The following CPNE6 variants were observed in gnomAD, a reference collection of about 807,000 sequenced individuals.
CPNE6 encodes copine 6.
Under a neutral mutation model 71.5 loss-of-function variants are expected in CPNE6, and 33 were observed. The observed-to-expected ratio is 0.46, with a 90% CI of 0.35 to 0.62. The LOEUF is 0.62. Ranked by LOEUF, CPNE6 falls within the 20% of genes least tolerant of loss-of-function variation. The probability of loss-of-function intolerance (pLI) is 0.00; values close to 1 mark genes in which losing one functional copy is unlikely to be tolerated. For missense variants in CPNE6, 576 were observed against 747.3 expected (o/e 0.77, Z 2.67); for synonymous variants, 296 against 293.0 (o/e 1.01, Z -0.10).
chr14:24,074,566 C>T lies in CPNE6; in HGVS notation c.534C>T (p.Ile178=). The change falls in exon 7 of 18, where the codon ATC becomes ATT. Residue 178 remains isoleucine (I), a synonymous_variant. Transcript: ENST00000397016. The surrounding 1 kb of genome is among the most constrained non-coding windows in gnomAD (Gnocchi z 4.5). ...GCAAGTCTGACCCTTTCATGGAAAT[C>T]TATAAGACCAACGAGGACCAAAGTG... 6.2e-7 allele frequency: 1 copy of T among 1,614,176 alleles called. No individual in the cohort carries two copies. The highest frequency in any genetic ancestry group is 8.5e-7 in the Non-Finnish European group (1 of 1,180,034).
At chr14:24,071,434 A>C (rs1232807351) in intron 1 of CPNE6, 128 bp from the exon 1 acceptor site, 8 of 1,479,764 alleles carry the variant, frequency 5.4e-6, no homozygotes, top group Non-Finnish European at 7.2e-6. Context: ...GCTCCCTCCC[A>C]GGCTGTGGCC....
intron 1 of CPNE6, chr14:24,071,173 C>A: frequency 9.5e-7 from 1 of 1,048,590 alleles, no homozygotes; most frequent in Non-Finnish European, 1.4e-6. Flanking sequence ...GGGGCTGTAA[C>A]TGTCGTGGTG....
rs749989504 is a variant in CPNE6, at chr14:24,077,669, G to C, written c.1613G>C (p.Gly538Ala). ...GTGGTGGAGTACTACGCCAGCCAGG[G>C]CATCAGCCCTGGGGCTCCCAGGCCC... Residue 538 changes from glycine to alanine, a missense_variant, in exon 17 of 18, where the codon GGC becomes GCC. Gly to Ala is a moderately conservative substitution (Grantham distance 60). Coordinates refer to ENST00000397016, the Ensembl canonical transcript of CPNE6. This position sits in a 1 kb window ranked among gnomAD's most constrained non-coding sequence, Gnocchi z 6.1. 1 of 1,593,306 alleles carries C rather than the reference G, an allele frequency of 6.3e-7. No individual in the cohort carries two copies. Among genetic ancestry groups the C allele is most frequent in the South Asian group, 1.1e-5 (1 of 87,914 alleles).
rs1040791482 is a variant in CPNE6, at chr14:24,074,581, G to A, written c.549G>A (p.Glu183=). Reference sequence around the variant, plus strand: ...TCATGGAAATCTATAAGACCAACGAGGACCAAAGTGATCAGCTGGTCTGGA... The same window carrying A: ...TCATGGAAATCTATAAGACCAACGAAGACCAAAGTGATCAGCTGGTCTGGA... The change falls in exon 7 of 18, where the codon GAG becomes GAA. Residue 183 remains glutamate, a synonymous_variant. Transcript: ENST00000397016. This position sits in a 1 kb window ranked among gnomAD's most constrained non-coding sequence, Gnocchi z 4.5. The A allele has an allele frequency of 2.5e-6, 4 of 1,614,166 alleles. No individual in the cohort carries two copies. Among genetic ancestry groups the A allele is most frequent in the Non-Finnish European group, 3.4e-6 (4 of 1,180,032 alleles).
At position 24,074,918 on chromosome 14, in the gene CPNE6, G is replaced by A; in HGVS notation, c.672+123G>A. On this transcript the variant is annotated intron_variant, in intron 8 of 17. Coordinates refer to ENST00000397016, the Ensembl canonical transcript of CPNE6. The surrounding 1 kb of genome is among the most constrained non-coding windows in gnomAD (Gnocchi z 4.5). ...AAGTGATAATCACATCCCACTGTGG[G>A]ATAAATAATAGGTCACAGCTCAATG... 3 of 828,256 alleles carry A rather than the reference G, an allele frequency of 3.6e-6. No homozygotes were observed. Among genetic ancestry groups the A allele is most frequent in the South Asian group, 3.1e-5 (2 of 64,216 alleles). 51.3% of individuals were successfully genotyped at this position (828,256 alleles called of 1,614,324 possible).
chr14:24,071,532 A>G lies in CPNE6; in HGVS notation c.-114A>G, dbSNP rs1566547240. On this transcript the variant is annotated 5_prime_UTR_variant, in exon 2 of 18. Coordinates refer to ENST00000397016, the Ensembl canonical transcript of CPNE6. ...CCCCACCCCTCCCCATCCAGGCCCC[A>G]TAAATAGCAGCAGAGCCGGAGCTGG... The G allele has an allele frequency of 1.2e-5, 3 of 251,656 alleles. No individual in the cohort carries two copies. The Admixed American group carries it at 3.8e-4, about 32-fold the overall frequency. 15.6% of individuals were successfully genotyped at this position (251,656 alleles called of 1,614,324 possible). A position where few individuals can be genotyped will look rare whatever the true frequency, so the allele number is the denominator to read the frequency against.
In CPNE6 at chr14:24,074,414, C is replaced by G. The variant is rs371782678; in HGVS notation, c.498+49C>G. 2.5e-5 allele frequency: 39 copies of G among 1,553,304 alleles called. No homozygotes were observed. Among genetic ancestry groups the G allele is most frequent in the Non-Finnish European group, 3.3e-5 (38 of 1,145,816 alleles). On this transcript the variant is annotated intron_variant, in intron 6 of 17. Coordinates refer to ENST00000397016, the Ensembl canonical transcript of CPNE6. This position sits in a 1 kb window ranked among gnomAD's most constrained non-coding sequence, Gnocchi z 4.5. ...CCCAACTCCCCTGTCACTCCTAGGC[C>G]TCCCACTCAAGACAGATCCCAGGAG...
At chr14:24,072,961 G>T (rs1352612384) in exon 3 of CPNE6, 1 of 1,584,398 alleles carries the variant, frequency 6.3e-7, no homozygotes, top group Non-Finnish European at 8.6e-7. Flanking sequence ...GATGGGATGG[G>T]TGCCTGAGCC....
intron 1 of CPNE6, chr14:24,071,158 C>A: frequency 9.1e-7 from 1 of 1,102,216 alleles, no homozygotes; most frequent in Non-Finnish European, 1.3e-6. Flanking sequence ...AATGTGTATC[C>A]GCCGGGGGCT....
rs374721997 is a variant in CPNE6 at position 24,074,408 on chromosome 14, C to T, written c.498+43C>T. 1.3e-6 allele frequency: 2 copies of T among 1,553,566 alleles called. No individual in the cohort carries two copies. Among genetic ancestry groups the T allele is most frequent in the Non-Finnish European group, 8.7e-7 (1 of 1,146,930 alleles). On this transcript the variant is annotated intron_variant, in intron 6 of 17. Coordinates refer to ENST00000397016, the Ensembl canonical transcript of CPNE6. The surrounding 1 kb of genome is among the most constrained non-coding windows in gnomAD (Gnocchi z 4.5). ...CAGGCCCCCAACTCCCCTGTCACTC[C>T]TAGGCCTCCCACTCAAGACAGATCC...
At chr14:24,076,113 T>C in intron 11 of CPNE6, 36 bp from the exon 11 acceptor site, 1 of 1,604,536 alleles carries the variant, frequency 6.2e-7, no homozygotes, top group Non-Finnish European at 8.5e-7. Context: ...GTGGCTCTCA[T>C]GGTTGCAGCA....
chr14:24,073,960 G>A lies in CPNE6; in HGVS notation c.349-91G>A. ...CCAACTCAAAGTGCCAACCCTTGCA[G>A]ACACTCAGAGCATTTATTATTCCAT... On this transcript the variant is annotated intron_variant, in intron 4 of 17. Transcript: ENST00000397016. This position sits in a 1 kb window ranked among gnomAD's most constrained non-coding sequence, Gnocchi z 5.5. 8.1e-7 allele frequency: 1 copy of A among 1,236,218 alleles called. No individual in the cohort carries two copies. Among genetic ancestry groups the A allele is most frequent in the Non-Finnish European group, 1.2e-6 (1 of 838,888 alleles). 76.6% of individuals were successfully genotyped at this position (1,236,218 alleles called of 1,614,324 possible). A position where few individuals can be genotyped will look rare whatever the true frequency, so the allele number is the denominator to read the frequency against.
rs1332985945 is a variant in CPNE6, at chr14:24,077,441, C to T, written c.1536+51C>T. The T allele has an allele frequency of 6.3e-7, 1 of 1,586,198 alleles. No homozygotes were observed. The highest frequency in any genetic ancestry group is 1.7e-5 in the Admixed American group (1 of 59,968). ...TGAAGGACTCCTCAGCTTCTCATCC[C>T]CCCAAATCTGACCTTCGTCTTCCAC... is the stretch of plus-strand genomic sequence containing the variant. On this transcript the variant is annotated intron_variant, in intron 16 of 17. Coordinates refer to ENST00000397016, the Ensembl canonical transcript of CPNE6. The surrounding 1 kb of genome is among the most constrained non-coding windows in gnomAD (Gnocchi z 6.1).
Position 24,075,333 on chromosome 14 carries a change from G to A in CPNE6, c.777+57G>A. 6.6e-7 allele frequency: 1 copy of A among 1,521,238 alleles called. No individual in the cohort carries two copies. Among genetic ancestry groups the A allele is most frequent in the South Asian group, 1.1e-5 (1 of 89,202 alleles). The allele number at this position is 1,521,238 out of a possible 1,614,324, so 94.2% of individuals were successfully genotyped here. On this transcript the variant is annotated intron_variant, in intron 9 of 17. Coordinates refer to ENST00000397016, the Ensembl canonical transcript of CPNE6. The surrounding 1 kb of genome is among the most constrained non-coding windows in gnomAD (Gnocchi z 4.3). The stretch of plus-strand genomic sequence containing the variant: ...CCCAGATCCCTGGGAGAATCCTGAG[G>A]GTGATGCTGAAGAGACCACCATAGG...
At chr14:24,076,743 C>T in intron 14 of CPNE6, 136 bp from the exon 14 acceptor site, 1 of 1,481,622 alleles carries the variant, frequency 6.7e-7, no homozygotes, top group Non-Finnish European at 9.3e-7. Flanking sequence ...AGGGACCATC[C>T]AACTCTCCCA....
At position 24,074,916 on chromosome 14, in the gene CPNE6, G is replaced by A. The variant is rs2036011158; in HGVS notation, c.672+121G>A. On this transcript the variant is annotated intron_variant, in intron 8 of 17. Transcript: ENST00000397016. This position sits in a 1 kb window ranked among gnomAD's most constrained non-coding sequence, Gnocchi z 4.5. Reference sequence around the variant, plus strand: ...CCAAGTGATAATCACATCCCACTGTGGGATAAATAATAGGTCACAGCTCAA... The same window carrying A: ...CCAAGTGATAATCACATCCCACTGTAGGATAAATAATAGGTCACAGCTCAA... 3 of 837,312 alleles carry A rather than the reference G, an allele frequency of 3.6e-6. No homozygotes were observed. The highest frequency in any genetic ancestry group is 3.4e-5 in the African/African-American group (2 of 59,412). The allele number at this position is 837,312 out of a possible 1,614,324, so 51.9% of individuals were successfully genotyped here. A position where few individuals can be genotyped will look rare whatever the true frequency, so the allele number is the denominator to read the frequency against.
rs1594226759 is a variant in CPNE6, at chr14:24,073,009, C to T, written c.73C>T (p.Arg25Trp). Residue 25 changes from arginine to tryptophan, a missense_variant, in exon 3 of 18, where the codon CGG (arginine) becomes TGG (tryptophan). Around this residue, in one of 4 missense-constraint regions of CPNE6, gnomAD observed 89 missense variants for 80.4 expected, o/e 1.11. Transcript: ENST00000397016. The surrounding 1 kb of genome is among the most constrained non-coding windows in gnomAD (Gnocchi z 5.5). The stretch of plus-strand genomic sequence containing the variant: ...GCTGGGGGCCTCTCGGGTGGAGCTG[C>T]GGGTGTCCTGCCATGGCCTCCTGGA... 5 of 1,581,790 alleles carry T rather than the reference C, an allele frequency of 3.2e-6. No individual in the cohort carries two copies. The highest frequency in any genetic ancestry group is 4.3e-6 in the Non-Finnish European group (5 of 1,165,830).
In CPNE6 at chr14:24,075,439, G is replaced by A; in HGVS notation, c.778-66G>A. The stretch of plus-strand genomic sequence containing the variant: ...TGGGGGTCTTGCTCTGGGAGGCTCT[G>A]CTGGAAGGGAGAAAGAGGGGTCACC... On this transcript the variant is annotated intron_variant, in intron 9 of 17. Coordinates refer to ENST00000397016, the Ensembl canonical transcript of CPNE6. This position sits in a 1 kb window ranked among gnomAD's most constrained non-coding sequence, Gnocchi z 4.3. 6.6e-7 allele frequency: 1 copy of A among 1,518,800 alleles called. No individual in the cohort carries two copies. The highest frequency in any genetic ancestry group is 1.4e-5 in the African/African-American group (1 of 73,150). The allele number at this position is 1,518,800 out of a possible 1,614,324, so 94.1% of individuals were successfully genotyped here. A position where few individuals can be genotyped will look rare whatever the true frequency, so the allele number is the denominator to read the frequency against.
Position 24,077,828 on chromosome 14 carries a change from C to A in CPNE6, c.*38-60C>A. 7.6e-7 allele frequency: 1 copy of A among 1,308,590 alleles called. No individual in the cohort carries two copies. The highest frequency in any genetic ancestry group is 1.0e-6 in the Non-Finnish European group (1 of 989,784). The allele number at this position is 1,308,590 out of a possible 1,614,324, so 81.1% of individuals were successfully genotyped here. A position where few individuals can be genotyped will look rare whatever the true frequency, so the allele number is the denominator to read the frequency against. ...GGGTGCAAAGTGGGGCTTGGTAGAGCCCAACTAGGCTGGGTGTAGTGTAGA... is the reference window on the plus strand; with the variant it reads ...GGGTGCAAAGTGGGGCTTGGTAGAGACCAACTAGGCTGGGTGTAGTGTAGA... On this transcript the variant is annotated intron_variant, in intron 17 of 17. Coordinates refer to ENST00000397016, the Ensembl canonical transcript of CPNE6. This position sits in a 1 kb window ranked among gnomAD's most constrained non-coding sequence, Gnocchi z 6.1.
Sources: allele counts gnomAD v4.1 joint callset, GRCh38; gene constraint gnomAD v4.1.1; regional missense constraint gnomAD v4.1.1; non-coding constraint Gnocchi (gnomAD v3.1); transcripts MANE v1.5; gene names NCBI Gene and HGNC (gene_info 2026-07-23, HGNC 2026-07-21).